XRCC5: variants seen among roughly 807,000 people sequenced by gnomAD.
The protein encoded by XRCC5 is DNA repair protein Ku80.
A neutral mutation model predicts 95.7 loss-of-function variants in XRCC5; 12 were observed. That is an observed-to-expected ratio of 0.13 (90% confidence interval 0.08 to 0.20). XRCC5 has a LOEUF of 0.20. Ranked by LOEUF, XRCC5 falls within the 10% of genes least tolerant of loss-of-function variation. The pLI, the probability that XRCC5 is intolerant of heterozygous loss-of-function variation, is 1.00. For synonymous variants in XRCC5, 281 were observed against 290.3 expected (o/e 0.97, Z 0.33); for missense variants, 595 against 873.9 (o/e 0.68, Z 4.02).
At chr2:216,125,874 A>T (rs371810423) in intron 6 of XRCC5, 43 bp from the exon 7 acceptor site, 1 of 1,489,904 alleles carries the variant, frequency 6.7e-7, no homozygotes, top group Non-Finnish European at 9.4e-7. Context: ...ACAAGTTAAC[A>T]TTTAAAAATT....
chr2:216,165,138 C>G lies in XRCC5; in HGVS notation c.1834+3090C>G, dbSNP rs528701941. 4.6e-5 allele frequency among the ~76,000 whole-genome samples: 7 copies of G among 152,318 alleles called. No homozygotes were observed. The South Asian group carries it at 1.4e-3, about 32-fold the overall frequency. On this transcript the variant is annotated intron_variant, in intron 16 of 20. Coordinates refer to ENST00000392132, the MANE Select transcript of XRCC5 (RefSeq NM_021141.4). ...TAGGAATTCAAACACATGTCTCTTT[C>G]AAATACTGGATTTTTTACGTAGCCA...
intron 1 of XRCC5, 42 bp downstream of exon 1, chr2:216,109,499 G>T (rs1274088369): frequency 1.2e-6 from 2 of 1,612,336 alleles, no homozygotes; most frequent in South Asian, 1.1e-5. Flanking sequence ...CCGGACTGGG[G>T]ATCCGGAGAG....
intron 16 of XRCC5, among the ~76,000 whole-genome samples, chr2:216,170,731 A>G (rs1041392767): frequency 6.6e-6 from 1 of 152,218 alleles, no homozygotes; most frequent in African/African-American, 2.4e-5. Flanking sequence ...ATGGAAATGC[A>G]GAACTCTTGG....
At chr2:216,141,461 C>T in intron 13 of XRCC5, 142 bp downstream of exon 13, 1 of 650,210 alleles carries the variant, frequency 1.5e-6, no homozygotes, top group Non-Finnish European at 2.3e-6. Context: ...AGAATAACAT[C>T]TTCCTCTCCT....
In XRCC5 at chr2:216,138,178, C is replaced by T. The variant is rs374258250; in HGVS notation, c.1341C>T (p.Thr447=). 3.3e-4 allele frequency: 529 copies of T among 1,612,070 alleles called. 7 individuals are homozygous for T. In the South Asian group the frequency reaches 5.2e-3, roughly 16 times the overall value. ...AAAACAGTAAGAAATATGCTCCCAC[C>T]GGTGAGTTTGTTTTCATTTAGATCA... is the stretch of plus-strand genomic sequence containing the variant. ...SLKNSKKYAP[T]EAQLNAVDAL... is the part of the protein sequence containing the mutation. Residue 447 remains threonine, a splice_region_variant and synonymous_variant, in exon 12 of 21, where the codon ACC becomes ACT. Transcript: ENST00000392132.
In XRCC5 at chr2:216,127,736, A is replaced by C. The variant is rs935438930; in HGVS notation, c.937+62A>C. The C allele has an allele frequency of 9.4e-6, 14 of 1,490,522 alleles. No individual in the cohort carries two copies. The Admixed American group carries it at 3.0e-4, about 32-fold the overall frequency. The allele number at this position is 1,490,522 out of a possible 1,614,324, so 92.3% of individuals were successfully genotyped here. A position where few individuals can be genotyped will look rare whatever the true frequency, so the allele number is the denominator to read the frequency against. On this transcript the variant is annotated intron_variant, in intron 8 of 20. Coordinates refer to ENST00000392132, the MANE Select transcript of XRCC5 (RefSeq NM_021141.4). The stretch of plus-strand genomic sequence containing the variant: ...CATTTTCTTCAACATGATGTGATGC[A>C]GGCTGGGGTTTGTATTATTCTTTGT...
intron 16 of XRCC5, among the ~76,000 whole-genome samples, chr2:216,170,820 CAG>C (rs1444414403): frequency 1.6e-4 from 25 of 152,220 alleles, no homozygotes; most frequent in African/African-American, 5.8e-4. Flanking sequence ...ATTTGTGAGA[CAG>C]AGAGCAGTTC....
chr2:216,183,350 G>C (rs993940614), intron 16 of XRCC5, among the ~76,000 whole-genome samples: 1 of 152,084 alleles, frequency 6.6e-6, no homozygotes, highest in African/African-American at 2.4e-5. Context: ...ATTTAAAAAA[G>C]GGGGGAAACA....
chr2:216,118,197 G>C (rs1395687493), intron 4 of XRCC5, among the ~76,000 whole-genome samples: 1 of 150,456 alleles, frequency 6.6e-6, no homozygotes, highest in Non-Finnish European at 1.5e-5. Flanking sequence ...TTTGAGTTGG[G>C]GTCTTGTTCT....
intron 16 of XRCC5, among the ~76,000 whole-genome samples, chr2:216,165,320 A>C (rs1689035563): frequency 6.6e-6 from 1 of 152,232 alleles, no homozygotes; most frequent in Non-Finnish European, 1.5e-5. Flanking sequence ...GCATGTTGCT[A>C]GTATTTCGAC....
intron 17 of XRCC5, among the ~76,000 whole-genome samples, 192 bp downstream of exon 17, chr2:216,190,526 A>G (rs1689596754): frequency 6.6e-6 from 1 of 152,220 alleles, no homozygotes; most frequent in South Asian, 2.1e-4. Flanking sequence ...GAGATGGGAT[A>G]AAGATGAGTA....
intron 16 of XRCC5, among the ~76,000 whole-genome samples, chr2:216,182,015 T>C (rs981961519): frequency 6.6e-6 from 1 of 152,256 alleles, no homozygotes; most frequent in Non-Finnish European, 1.5e-5. Context: ...GAAGGAGTTA[T>C]CACATAGAAT....
At chr2:216,161,086 G>C (rs1188379467) in intron 15 of XRCC5, among the ~76,000 whole-genome samples, 2 of 152,182 alleles carry the variant, frequency 1.3e-5, no homozygotes, top group Non-Finnish European at 2.9e-5. Context: ...AGGAAGGATA[G>C]TCAGGGAATA....
chr2:216,204,244 G>A, intron 19 of XRCC5, 78 bp from the exon 20 acceptor site: 1 of 1,546,834 alleles, frequency 6.5e-7, no homozygotes, highest in Non-Finnish European at 8.9e-7. Flanking sequence ...TTTTGCTGTG[G>A]CAATGCTAGC....
intron 12 of XRCC5, among the ~76,000 whole-genome samples, chr2:216,139,189 C>T (rs1031920616): frequency 6.6e-6 from 1 of 152,084 alleles, no homozygotes; most frequent in African/African-American, 2.4e-5. Flanking sequence ...ACTCTGTCAC[C>T]TGGCTGGAGT....
chr2:216,200,915 A>G (rs146142623), intron 19 of XRCC5, among the ~76,000 whole-genome samples: 34 of 152,340 alleles, frequency 2.2e-4, no homozygotes, highest in African/African-American at 7.9e-4. Flanking sequence ...TGCTGTGGAT[A>G]TTCTTGTACA....
Position 216,137,139 on chromosome 2 carries a change from A to T in XRCC5, c.1165A>T (p.Met389Leu). ...SLIHALDDLD[M>L]VAIVRYAYDK... Reference sequence around the variant, plus strand: ...GATTCATGCTTTGGATGACTTAGACATGGTGGCCATAGTTCGATATGCTTA... The same window carrying T: ...GATTCATGCTTTGGATGACTTAGACTTGGTGGCCATAGTTCGATATGCTTA... The change falls in exon 11 of 21, where the codon ATG becomes TTG. Residue 389 changes from methionine (M) to leucine (L), a missense_variant. This residue lies in a region of XRCC5 where 286 missense variants were observed against 491.1 expected (regional missense o/e 0.58). Transcript: ENST00000392132. The T allele has an allele frequency of 6.2e-7, 1 of 1,614,076 alleles. No individual in the cohort carries two copies. Among genetic ancestry groups the T allele is most frequent in the South Asian group, 1.1e-5 (1 of 91,060 alleles).
chr2:216,191,569 C>T (rs1689613105), intron 17 of XRCC5, among the ~76,000 whole-genome samples: 2 of 151,924 alleles, frequency 1.3e-5, no homozygotes, highest in South Asian at 4.1e-4. Context: ...TGCCACCACG[C>T]CCAGCTAATT....
intron 15 of XRCC5, 67 bp from the exon 16 acceptor site, chr2:216,161,912 G>T (rs1688959539): frequency 7.5e-6 from 10 of 1,339,600 alleles, no homozygotes. Context: ...AAGCCATCTT[G>T]TATTGCCTGG....
Sources: gnomAD v4.1 joint callset for allele counts (sites outside exome capture counted in the v4.1 genomes callset) on GRCh38, gnomAD v4.1.1 for gene constraint, gnomAD v4.1.1 regional missense constraint, MANE v1.5 for transcripts, NCBI Gene and HGNC (gene_info 2026-07-23, HGNC 2026-07-21) for gene names.